LRBA: variants seen among roughly 807,000 people sequenced by gnomAD.
LRBA encodes the protein LPS responsive beige-like anchor protein, also known as lipopolysaccharide-responsive and beige-like anchor protein.
LRBA carries 176 observed loss-of-function variants against 330.0 expected under a neutral mutation model. That is an observed-to-expected ratio of 0.53 (90% confidence interval 0.47 to 0.60). The LOEUF (loss-of-function observed/expected upper bound fraction) is 0.60. Ranked by LOEUF, LRBA falls within the 20% of genes least tolerant of loss-of-function variation. The probability of loss-of-function intolerance (pLI) is 0.00; values close to 1 mark genes in which losing one functional copy is unlikely to be tolerated. For synonymous variants in LRBA, 1,230 were observed against 1,193.0 expected (o/e 1.03, Z -0.64); for missense variants, 3,259 against 3,444.8 (o/e 0.95, Z 1.35).
At chr4:150,296,807 T>C (rs1453259852) in intron 53 of LRBA, among the ~76,000 whole-genome samples, 1 of 152,156 alleles carries the variant, frequency 6.6e-6, no homozygotes, top group East Asian at 1.9e-4. Flanking sequence ...AATGAGCGTT[T>C]TTGGAAGGTA....
chr4:150,789,196 A>AGAGCCAC (rs1300671218), intron 34 of LRBA, among the ~76,000 whole-genome samples: 1 of 152,192 alleles, frequency 6.6e-6, no homozygotes, highest in Non-Finnish European at 1.5e-5. Flanking sequence ...GACAGAGACA[A>AGAGCCAC]GAGCCACCTG....
At chr4:150,533,758 G>A (rs1048089792) in intron 40 of LRBA, among the ~76,000 whole-genome samples, 9 of 152,082 alleles carry the variant, frequency 5.9e-5, no homozygotes, top group East Asian at 1.9e-4. Context: ...TCAACTCATC[G>A]GGCTTCCTTC....
chr4:150,346,988 T>C (rs866214994), intron 48 of LRBA, among the ~76,000 whole-genome samples: 10 of 146,758 alleles, frequency 6.8e-5, no homozygotes, highest in Non-Finnish European at 1.4e-4. Flanking sequence ...TATAAATGGA[T>C]AAACAAAATG....
intron 44 of LRBA, among the ~76,000 whole-genome samples, chr4:150,467,161 T>A (rs1755548114): frequency 6.6e-6 from 1 of 152,136 alleles, no homozygotes; most frequent in Non-Finnish European, 1.5e-5. Flanking sequence ...CTGCAATGGA[T>A]TGAAACATCA....
chr4:150,902,368 C>T (rs2127141951), intron 13 of LRBA, among the ~76,000 whole-genome samples: 1 of 151,388 alleles, frequency 6.6e-6, no homozygotes, highest in South Asian at 2.1e-4. Flanking sequence ...AAAAACTTTT[C>T]TTTTTTTTTA....
chr4:150,658,498 A>C (rs1281775881), intron 37 of LRBA, among the ~76,000 whole-genome samples: 1 of 34,916 alleles, frequency 2.9e-5, no homozygotes, highest in African/African-American at 4.4e-5. Flanking sequence ...CCTATCAGAA[A>C]ATAAAAGTCT....
At chr4:150,931,471 A>C (rs1047223940) in intron 2 of LRBA, among the ~76,000 whole-genome samples, 4 of 151,522 alleles carry the variant, frequency 2.6e-5, no homozygotes, top group Non-Finnish European at 1.5e-5. Context: ...TTTCATCAAA[A>C]GGTTAGTGGC....
At chr4:150,637,212 A>G (rs1045607106) in intron 37 of LRBA, among the ~76,000 whole-genome samples, 2 of 152,102 alleles carry the variant, frequency 1.3e-5, no homozygotes, top group African/African-American at 4.8e-5. Flanking sequence ...ATCGTGTTAC[A>G]GTGGTACATT....
chr4:150,335,585 G>A (rs567672289), intron 48 of LRBA, among the ~76,000 whole-genome samples: 55 of 150,740 alleles, frequency 3.6e-4, no homozygotes, highest in Admixed American at 1.4e-3. Flanking sequence ...ACTTAGAACA[G>A]TTCATGGCAC....
chr4:150,358,421 A>G (rs1033869512), intron 47 of LRBA, among the ~76,000 whole-genome samples: 1 of 152,138 alleles, frequency 6.6e-6, no homozygotes, highest in African/African-American at 2.4e-5. Context: ...GCTCAAAGGT[A>G]AACTTTCTCA....
At chr4:150,727,068 T>G (rs1000442626) in intron 36 of LRBA, among the ~76,000 whole-genome samples, 3 of 10,788 alleles carry the variant, frequency 2.8e-4, no homozygotes, top group African/African-American at 4.5e-4. Flanking sequence ...CATTTCGTTG[T>G]TTTTTTTTTT....
At chr4:150,777,553 C>G (rs1388550311) in intron 34 of LRBA, among the ~76,000 whole-genome samples, 1 of 152,062 alleles carries the variant, frequency 6.6e-6, no homozygotes, top group Non-Finnish European at 1.5e-5. Flanking sequence ...GATGTACCTC[C>G]AATTACCTAA....
At chr4:150,569,916 G>A (rs1041589317) in intron 40 of LRBA, among the ~76,000 whole-genome samples, 3 of 152,088 alleles carry the variant, frequency 2.0e-5, no homozygotes, top group Non-Finnish European at 4.4e-5. Flanking sequence ...CATATTTGCT[G>A]CAGCTTCTCA....
At chr4:150,360,207 A>G (rs1186894551) in intron 47 of LRBA, among the ~76,000 whole-genome samples, 1 of 151,972 alleles carries the variant, frequency 6.6e-6, no homozygotes, top group East Asian at 1.9e-4. Context: ...TGCCCAGGCC[A>G]GTCTTGAACT....
chr4:150,345,013 C>A (rs1736098546), intron 48 of LRBA, among the ~76,000 whole-genome samples: 1 of 152,200 alleles, frequency 6.6e-6, no homozygotes, highest in Non-Finnish European at 1.5e-5. Flanking sequence ...GTGTAGGTAA[C>A]TTCTGCTCAT....
At chr4:150,735,180 C>T (rs1731022814) in intron 36 of LRBA, 78 bp downstream of exon 36, 1 of 1,055,522 alleles carries the variant, frequency 9.5e-7, no homozygotes, top group African/African-American at 1.6e-5. Flanking sequence ...TTTGGACCTG[C>T]CATTTTACCG....
chr4:150,916,705 A>C lies in LRBA; in HGVS notation c.679T>G (p.Tyr227Asp), dbSNP rs1416300214. ...GTATGAAATGTAAAACCATTCTGGT[A>C]TGGCCATTTGGCTATAGGAGGTAAT... ...IALPPIAKWP[Y>D]QNGFTFHTWL... The change falls in exon 6 of 57, where the codon TAC becomes GAC. Residue 227 changes from tyrosine to aspartate, a missense_variant. Transcript: ENST00000651943. 6.3e-7 allele frequency: 1 copy of C among 1,592,032 alleles called. No individual in the cohort carries two copies. The highest frequency in any genetic ancestry group is 8.5e-7 in the Non-Finnish European group (1 of 1,172,880).
At chr4:150,883,361 G>A (rs868601870) in intron 17 of LRBA, among the ~76,000 whole-genome samples, 4 of 152,250 alleles carry the variant, frequency 2.6e-5, no homozygotes, top group African/African-American at 4.8e-5. Flanking sequence ...TCAGGAGGCT[G>A]AGGCAGGACA....
intron 2 of LRBA, among the ~76,000 whole-genome samples, chr4:150,966,990 A>C (rs1344648135): frequency 6.6e-6 from 1 of 152,230 alleles, no homozygotes; most frequent in Admixed American, 6.5e-5. Flanking sequence ...ATAAGCCTTC[A>C]CTATCTCTTA....
Sources: gnomAD v4.1 joint callset for allele counts (sites outside exome capture counted in the v4.1 genomes callset) on GRCh38, gnomAD v4.1.1 for gene constraint, MANE v1.5 for transcripts, NCBI Gene and HGNC (gene_info 2026-07-23, HGNC 2026-07-21) for gene names.